CAMSAP2: variants seen among roughly 807,000 people sequenced by gnomAD.
The protein encoded by CAMSAP2 is calmodulin-regulated spectrin-associated protein 2.
CAMSAP2 carries 26 observed loss-of-function variants against 146.1 expected under a neutral mutation model. The observed-to-expected ratio is 0.18, with a 90% CI of 0.13 to 0.25. The LOEUF is 0.25. Among genes scored for constraint, CAMSAP2 ranks in the 10% least tolerant of loss-of-function variants. CAMSAP2 has a pLI of 1.00. For missense variants in CAMSAP2, 1,381 were observed against 1,759.3 expected (o/e 0.78, Z 3.85); for synonymous variants, 499 against 596.6 (o/e 0.84, Z 2.38).
Position 200,773,547 on chromosome 1 carries a change from A to G in CAMSAP2, c.399+12449A>G, listed in dbSNP as rs552864324. ...GCTGGGACTACAGGTGTGAGCTACC[A>G]TGTCCGGCCTCATCTTTTAAAAAGA... On this transcript the variant is annotated intron_variant, in intron 2 of 16. Transcript: ENST00000358823. Among the ~76,000 whole-genome samples the G allele has an allele frequency of 7.2e-5, 11 of 152,134 alleles. No individual in the cohort carries two copies. The East Asian group carries it at 2.1e-3, about 29-fold the overall frequency.
At chr1:200,780,787 T>C (rs183917227) in intron 2 of CAMSAP2, among the ~76,000 whole-genome samples, 8 of 152,356 alleles carry the variant, frequency 5.3e-5, no homozygotes, top group Non-Finnish European at 7.3e-5. Context: ...AACCCCCTGC[T>C]GTTTCTCAGC....
chr1:200,765,350 C>T (rs944793799), intron 2 of CAMSAP2, among the ~76,000 whole-genome samples: 1 of 152,066 alleles, frequency 6.6e-6, no homozygotes, highest in Non-Finnish European at 1.5e-5. Flanking sequence ...CTGCCTCAGC[C>T]TCCCGAGTAG....
chr1:200,804,929 T>TGGTA (rs1169798422), intron 2 of CAMSAP2, among the ~76,000 whole-genome samples: 5 of 152,218 alleles, frequency 3.3e-5, no homozygotes, highest in Admixed American at 3.3e-4. Context: ...CTGCATGATA[T>TGGTA]GGTAGAAAGA....
chr1:200,841,341 G>T (rs1237785749), intron 6 of CAMSAP2, among the ~76,000 whole-genome samples: 1 of 152,126 alleles, frequency 6.6e-6, no homozygotes, highest in Non-Finnish European at 1.5e-5. Context: ...CTGTGTCTTG[G>T]GTTCAAGCTA....
intron 2 of CAMSAP2, among the ~76,000 whole-genome samples, chr1:200,795,829 C>G (rs1208992741): frequency 6.6e-6 from 1 of 152,140 alleles, no homozygotes; most frequent in Non-Finnish European, 1.5e-5. Context: ...TTCCTTGTCT[C>G]TAATATTTGC....
In CAMSAP2 at chr1:200,849,572, C is replaced by T; in HGVS notation, c.2803C>T (p.Pro935Ser). The T allele has an allele frequency of 6.2e-7, 1 of 1,614,162 alleles. No homozygotes were observed. The highest frequency in any genetic ancestry group is 8.5e-7 in the Non-Finnish European group (1 of 1,180,026). The change falls in exon 11 of 17, where the codon CCT becomes TCT. Residue 935 changes from proline (P) to serine (S), a missense_variant. Physicochemically the swap from Pro to Ser is moderately conservative, Grantham distance 74. Transcript: ENST00000358823. The surrounding 1 kb of genome is among the most constrained non-coding windows in gnomAD (Gnocchi z 6.3). ...ACAGAAACAGATTCGAGATTTTAAG[C>T]CTTCTAAGCAGGCAGGCCTGTCATC... ...SPQKQIRDFK[P>S]SKQAGLSSAI...
chr1:200,799,350 CTTG>C (rs1434560629), intron 2 of CAMSAP2, among the ~76,000 whole-genome samples: 2 of 151,888 alleles, frequency 1.3e-5, no homozygotes, highest in African/African-American at 2.4e-5. Flanking sequence ...AATTTCAGAA[CTTG>C]TTATTGGTCT....
At chr1:200,817,163 CACGTGTGTGTAT>C (rs1666594471) in intron 4 of CAMSAP2, among the ~76,000 whole-genome samples, 1 of 75,440 alleles carries the variant, frequency 1.3e-5, no homozygotes. Flanking sequence ...CACATACACA[CACGTGTGTGTAT>C]ATACACACAC....
intron 2 of CAMSAP2, among the ~76,000 whole-genome samples, chr1:200,795,129 G>A (rs1665851516): frequency 6.6e-6 from 1 of 152,090 alleles, no homozygotes; most frequent in Admixed American, 6.6e-5. Flanking sequence ...GGATTTATGT[G>A]GGGAAGTATT....
rs1558189268 is a variant in CAMSAP2 at position 200,814,606 on chromosome 1, T to TCC, written c.562-953_562-952dup. 4.9e-5 allele frequency among the ~76,000 whole-genome samples: 3 copies of TCC among 61,114 alleles called. No homozygotes were observed. In the East Asian group the frequency reaches 1.3e-3, roughly 26 times the overall value. The allele number at this position is 61,114 out of a possible 152,430, so 40.1% of individuals were successfully genotyped here. On this transcript the variant is annotated intron_variant, in intron 3 of 16. Transcript: ENST00000358823. ...GCCTGGGCGACAGTGTGAGATTGCA[T>TCC]CCCAAAAAAAAAAAAAAAAAAAAAA...
intron 2 of CAMSAP2, among the ~76,000 whole-genome samples, chr1:200,796,460 T>G (rs1192946188): frequency 1.3e-5 from 2 of 152,266 alleles, no homozygotes; most frequent in African/African-American, 4.8e-5. Context: ...CCCTTGAGCT[T>G]TAATATGAAT....
chr1:200,779,398 G>C (rs1035171369), intron 2 of CAMSAP2, among the ~76,000 whole-genome samples: 3 of 152,182 alleles, frequency 2.0e-5, no homozygotes, highest in African/African-American at 7.2e-5. Flanking sequence ...GAATTGGAGT[G>C]GGGGAAATGG....
chr1:200,754,652 G>A (rs1281348468), intron 1 of CAMSAP2, among the ~76,000 whole-genome samples: 7 of 134,774 alleles, frequency 5.2e-5, no homozygotes, highest in African/African-American at 2.0e-4. Context: ...GCCCGACCTC[G>A]GCTCAGTGCA....
chr1:200,824,887 G>C (rs1571802884), intron 4 of CAMSAP2, among the ~76,000 whole-genome samples: 2 of 152,128 alleles, frequency 1.3e-5, no homozygotes, highest in Non-Finnish European at 2.9e-5. Context: ...GCTGAGGCAG[G>C]AGAATTGCTT....
intron 4 of CAMSAP2, among the ~76,000 whole-genome samples, chr1:200,830,260 G>A (rs1667008695): frequency 6.6e-6 from 1 of 152,176 alleles, no homozygotes; most frequent in Admixed American, 6.5e-5. Flanking sequence ...TCTCTGTCTA[G>A]TCTAAACCAT....
chr1:200,767,029 A>G (rs1039159403), intron 2 of CAMSAP2, among the ~76,000 whole-genome samples: 1 of 152,166 alleles, frequency 6.6e-6, no homozygotes, highest in African/African-American at 2.4e-5. Flanking sequence ...GTTAATTGAT[A>G]CAGTATTTAA....
Position 200,857,494 on chromosome 1 carries a change from C to A in CAMSAP2, c.4131+70C>A. The stretch of plus-strand genomic sequence containing the variant: ...TCTTTTATCCATTCAAGAGAATGTA[C>A]TCTCATGGGCCTAGACTTTCAACAG... On this transcript the variant is annotated intron_variant, in intron 16 of 16. Coordinates refer to ENST00000358823, the MANE Select transcript of CAMSAP2 (RefSeq NM_203459.4). The surrounding 1 kb of genome is among the most constrained non-coding windows in gnomAD (Gnocchi z 4.7). 9.7e-7 allele frequency: 1 copy of A among 1,032,198 alleles called. No individual in the cohort carries two copies. Among genetic ancestry groups the A allele is most frequent in the Non-Finnish European group, 1.5e-6 (1 of 660,668 alleles). 63.9% of individuals were successfully genotyped at this position (1,032,198 alleles called of 1,614,324 possible). A position where few individuals can be genotyped will look rare whatever the true frequency, so the allele number is the denominator to read the frequency against.
At chr1:200,829,851 CAGG>C (rs1418729140) in intron 4 of CAMSAP2, among the ~76,000 whole-genome samples, 1 of 151,848 alleles carries the variant, frequency 6.6e-6, no homozygotes, top group African/African-American at 2.4e-5. Flanking sequence ...CACCTGAGAC[CAGG>C]AGGTCGAGGC....
At position 200,849,672 on chromosome 1, in the gene CAMSAP2, C is replaced by T. The variant is rs759006478; in HGVS notation, c.2903C>T (p.Ala968Val). The change falls in exon 11 of 17, where the codon GCA becomes GTA. Residue 968 changes from alanine (A) to valine (V), a missense_variant. Ala to Val is a moderately conservative substitution (Grantham distance 64, BLOSUM62 0). Around this residue, in one of 4 missense-constraint regions of CAMSAP2, gnomAD observed 560 missense variants for 715.9 expected, o/e 0.78. Transcript: ENST00000358823. This position sits in a 1 kb window ranked among gnomAD's most constrained non-coding sequence, Gnocchi z 6.3. ...PSPQSSNRKS[A>V]SFSVKSQRTP... ...CCACAGTCTTCTAACAGGAAAAGTG[C>T]ATCTTTTTCTGTTAAAAGTCAAAGG... The T allele has an allele frequency of 1.1e-5, 17 of 1,614,158 alleles. No individual in the cohort carries two copies. Among genetic ancestry groups the T allele is most frequent in the Non-Finnish European group, 1.4e-5 (17 of 1,180,012 alleles).
Sources: gnomAD v4.1 joint callset for allele counts (sites outside exome capture counted in the v4.1 genomes callset) on GRCh38, gnomAD v4.1.1 for gene constraint, gnomAD v4.1.1 regional missense constraint, Gnocchi (gnomAD v3.1) non-coding constraint, MANE v1.5 for transcripts, NCBI Gene and HGNC (gene_info 2026-07-23, HGNC 2026-07-21) for gene names.